Variants in ZNF277 observed in about 807,000 individuals in gnomAD.
ZNF277 encodes zinc finger protein 277, also known as nuclear receptor-interacting factor 4.
A neutral mutation model predicts 60.7 loss-of-function variants in ZNF277; 55 were observed. That is an observed-to-expected ratio of 0.91 (90% confidence interval 0.73 to 1.13). The LOEUF is 1.13. Ranked by LOEUF, ZNF277 falls within the 50% of genes most tolerant of loss-of-function variation. The pLI is 0.00. For synonymous variants in ZNF277, 178 were observed against 179.3 expected, an observed-to-expected ratio of 0.99 and a Z score of 0.06; for missense variants, 510 against 523.0, an observed-to-expected ratio of 0.98 and a Z score of 0.24.
chr7:112,288,165 T>C (rs1351882272), intron 2 of ZNF277: 1 of 152,214 alleles, frequency 6.6e-6, no homozygotes, highest in Non-Finnish European at 1.5e-5. Context: ...TCAGTTTAAA[T>C]GTTGTGATGA....
intron 1 of ZNF277, among the ~76,000 whole-genome samples, chr7:112,240,145 A>G (rs1308349398): frequency 6.6e-6 from 1 of 152,222 alleles, no homozygotes; most frequent in Non-Finnish European, 1.5e-5. Context: ...ATGTACCACC[A>G]GGGAAAATCA....
chr7:112,313,941 T>C (rs888907664), intron 4 of ZNF277, among the ~76,000 whole-genome samples: 3 of 152,138 alleles, frequency 2.0e-5, no homozygotes, highest in African/African-American at 4.8e-5. Context: ...CATGTATTTA[T>C]TGAGAATCTA....
chr7:112,262,612 A>T (rs1476158955), intron 1 of ZNF277, among the ~76,000 whole-genome samples: 1 of 152,144 alleles, frequency 6.6e-6, no homozygotes, highest in African/African-American at 2.4e-5. Flanking sequence ...GTTCTGTAGC[A>T]TTGCCCTCAG....
At chr7:112,207,149 C>G (rs1357337307) in intron 1 of ZNF277, among the ~76,000 whole-genome samples, 1 of 152,180 alleles carries the variant, frequency 6.6e-6, no homozygotes, top group Non-Finnish European at 1.5e-5. Flanking sequence ...ATCTGGTTCG[C>G]GCGCGTGTGT....
chr7:112,250,159 G>A (rs1486198907), intron 1 of ZNF277, among the ~76,000 whole-genome samples: 27 of 151,994 alleles, frequency 1.8e-4, no homozygotes, highest in Admixed American at 1.6e-3. Context: ...CTGGCCCCCC[G>A]GGCGTTTAGT....
intron 5 of ZNF277, among the ~76,000 whole-genome samples, chr7:112,324,762 C>T (rs1430960331): frequency 1.3e-5 from 2 of 152,082 alleles, no homozygotes; most frequent in Non-Finnish European, 2.9e-5. Flanking sequence ...GATATATAAG[C>T]GGAGACATAT....
intron 1 of ZNF277, among the ~76,000 whole-genome samples, chr7:112,248,449 A>G (rs1268812551): frequency 6.6e-6 from 1 of 152,150 alleles, no homozygotes; most frequent in African/African-American, 2.4e-5. Flanking sequence ...AAACAGAATC[A>G]TAAAACAACT....
intron 1 of ZNF277, among the ~76,000 whole-genome samples, chr7:112,254,397 G>T (rs1345370865): frequency 6.6e-6 from 1 of 152,178 alleles, no homozygotes; most frequent in Non-Finnish European, 1.5e-5. Context: ...ATTCAAATGT[G>T]TGATACAATT....
At chr7:112,267,889 C>G (rs1368934866) in intron 1 of ZNF277, among the ~76,000 whole-genome samples, 1 of 152,076 alleles carries the variant, frequency 6.6e-6, no homozygotes, top group Non-Finnish European at 1.5e-5. Context: ...CTGGATGCTC[C>G]CACAGACGAG....
chr7:112,256,388 C>G (rs1791306429), intron 1 of ZNF277, among the ~76,000 whole-genome samples: 1 of 147,746 alleles, frequency 6.8e-6, no homozygotes, highest in East Asian at 2.0e-4. Context: ...TTAAGAACAT[C>G]TCCAGGGAAG....
intron 1 of ZNF277, among the ~76,000 whole-genome samples, chr7:112,229,911 A>G (rs185017753): frequency 6.6e-6 from 1 of 152,284 alleles, no homozygotes; most frequent in African/African-American, 2.4e-5. Context: ...TGCCTTCTTG[A>G]TAGAATGAGG....
chr7:112,304,060 A>G (rs368797583), intron 4 of ZNF277, among the ~76,000 whole-genome samples: 1 of 152,062 alleles, frequency 6.6e-6, no homozygotes, highest in Non-Finnish European at 1.5e-5. Flanking sequence ...ATGTTTCACT[A>G]TCTTATTTTA....
At chr7:112,227,889 T>C (rs1822216561) in intron 1 of ZNF277, among the ~76,000 whole-genome samples, 1 of 152,002 alleles carries the variant, frequency 6.6e-6, no homozygotes, top group Non-Finnish European at 1.5e-5. Context: ...GAGAGAGAAA[T>C]TTTAAGTCTA....
chr7:112,333,179 T>C (rs1414421169), intron 7 of ZNF277, among the ~76,000 whole-genome samples: 1 of 152,088 alleles, frequency 6.6e-6, no homozygotes, highest in Admixed American at 6.5e-5. Flanking sequence ...GATATTCCCT[T>C]GTTATCCCTC....
At chr7:112,296,083 T>A (rs571300927) in intron 3 of ZNF277, 126 bp downstream of exon 3, 6 of 1,004,472 alleles carry the variant, frequency 6.0e-6, no homozygotes, top group Non-Finnish European at 9.2e-6. Context: ...TGTGTTTATT[T>A]TGCCTAACTT....
intron 1 of ZNF277, among the ~76,000 whole-genome samples, chr7:112,216,544 A>G (rs77942403): frequency 0.013 from 1,985 of 152,260 alleles, 50 homozygotes; most frequent in African/African-American, 0.046. Flanking sequence ...TTCTGAGCTC[A>G]GTGATCCGCC....
Position 112,340,993 on chromosome 7 carries a change from A to G in ZNF277, c.1131A>G (p.Glu377=). 1.2e-6 allele frequency: 2 copies of G among 1,609,266 alleles called. No individual in the cohort carries two copies. The highest frequency in any genetic ancestry group is 1.3e-5 in the African/African-American group (1 of 74,886). The part of the protein sequence containing the change: ...KSKADLRTHM[E]ETKHTSLLPD... ...AAGCAGACTTAAGAACTCACATGGA[A>G]GAAACTAAACACACTTCGCTGCTCC... is the stretch of plus-strand genomic sequence containing the variant. The change falls in exon 11 of 12, where the codon GAA becomes GAG. Residue 377 remains glutamate (E), a synonymous_variant. Coordinates refer to ENST00000361822, the MANE Select transcript of ZNF277 (RefSeq NM_021994.3).
intron 4 of ZNF277, among the ~76,000 whole-genome samples, chr7:112,304,714 C>T (rs1385719986): frequency 1.3e-5 from 2 of 152,086 alleles, no homozygotes; most frequent in African/African-American, 4.8e-5. Context: ...AAAATACCGT[C>T]TTACTGTCAG....
At chr7:112,274,269 C>T (rs1361054054) in intron 1 of ZNF277, among the ~76,000 whole-genome samples, 2 of 152,054 alleles carry the variant, frequency 1.3e-5, no homozygotes, top group Non-Finnish European at 2.9e-5. Flanking sequence ...GCAATCCTCT[C>T]ACCTCAGCCT....
Sources: allele counts gnomAD v4.1 joint callset (sites outside exome capture counted in the v4.1 genomes callset), GRCh38; gene constraint gnomAD v4.1.1; transcripts MANE v1.5; gene names NCBI Gene and HGNC (gene_info 2026-07-23, HGNC 2026-07-21).